The following ROBO2 variants were observed in gnomAD, a reference collection of about 807,000 sequenced individuals.
ROBO2 encodes roundabout homolog 2.
Under a neutral mutation model 160.8 loss-of-function variants are expected in ROBO2, and 53 were observed. That is an observed-to-expected ratio of 0.33 (90% confidence interval 0.26 to 0.41). The LOEUF (loss-of-function observed/expected upper bound fraction) is 0.41, where lower values mean the gene tolerates loss of function less well. Ranked by LOEUF, ROBO2 falls within the 10% of genes least tolerant of loss-of-function variation. The pLI is 1.00. For missense variants in ROBO2, 1,577 were observed against 1,722.4 expected, an observed-to-expected ratio of 0.92 and a Z score of 1.49; for synonymous variants, 664 against 611.7, an observed-to-expected ratio of 1.09 and a Z score of -1.26.
intron 2 of ROBO2, among the ~76,000 whole-genome samples, chr3:77,306,511 A>C (rs2153417670): frequency 6.6e-6 from 1 of 152,328 alleles, no homozygotes; most frequent in East Asian, 1.9e-4. Context: ...GTAAAATCTT[A>C]GCTTCTCTTA....
chr3:76,123,991 A>T (rs1374077768), intron 2 of ROBO2, among the ~76,000 whole-genome samples: 2 of 152,142 alleles, frequency 1.3e-5, no homozygotes, highest in African/African-American at 4.8e-5. Context: ...ACTTGTTAGC[A>T]AAACAACTTG....
chr3:77,459,143 CT>C (rs1215987296), intron 2 of ROBO2, among the ~76,000 whole-genome samples: 3 of 152,128 alleles, frequency 2.0e-5, no homozygotes, highest in African/African-American at 7.2e-5. Context: ...AAGCTACTGG[CT>C]TTTTTCTGAT....
At chr3:75,972,611 G>A (rs1197526833) in intron 2 of ROBO2, among the ~76,000 whole-genome samples, 1 of 151,542 alleles carries the variant, frequency 6.6e-6, no homozygotes. Flanking sequence ...AGAAATGCAG[G>A]GCATAATTTT....
chr3:77,325,789 C>T lies in ROBO2; in HGVS notation c.389-151625C>T, dbSNP rs545006178. Among the ~76,000 whole-genome samples the T allele has an allele frequency of 4.7e-5, 6 of 126,750 alleles. No individual in the cohort carries two copies. In the South Asian group the frequency reaches 1.5e-3, roughly 33 times the overall value. 83.2% of individuals were successfully genotyped at this position (126,750 alleles called of 152,430 possible). A position where few individuals can be genotyped will look rare whatever the true frequency, so the allele number is the denominator to read the frequency against. On this transcript the variant is annotated intron_variant, in intron 2 of 25. Transcript: ENST00000461745. ...CTGGTTGTACTCATTAAACTACATG[C>T]TCATCCAATTCTAACAGTTTCAGAG...
chr3:76,633,229 G>A (rs929950285), intron 2 of ROBO2, among the ~76,000 whole-genome samples: 2 of 151,904 alleles, frequency 1.3e-5, no homozygotes, highest in African/African-American at 4.8e-5. Flanking sequence ...AGGCTGTTTT[G>A]AGCTCTAAGA....
rs539717537 is a variant in ROBO2 at position 76,483,364 on chromosome 3, T to C, written c.109+545762T>C. 3.3e-5 allele frequency among the ~76,000 whole-genome samples: 5 copies of C among 152,172 alleles called. No individual in the cohort carries two copies. In the South Asian group the frequency reaches 1.0e-3, roughly 32 times the overall value. On this transcript the variant is annotated intron_variant, in intron 2 of 26. Transcript: ENST00000487694. ...TAAGTTCATGGGTTCCTGTGCAGGTTTGTTACCTTGGTATATTGTGTGATG... is the reference window on the plus strand; with the variant it reads ...TAAGTTCATGGGTTCCTGTGCAGGTCTGTTACCTTGGTATATTGTGTGATG...
intron 2 of ROBO2, among the ~76,000 whole-genome samples, chr3:75,978,652 T>C (rs1033518301): frequency 6.6e-6 from 1 of 151,602 alleles, no homozygotes; most frequent in African/African-American, 2.4e-5. Context: ...AGTTAATAAT[T>C]GATCTGAACT....
At chr3:76,932,894 C>T (rs2077442147) in intron 2 of ROBO2, among the ~76,000 whole-genome samples, 1 of 151,996 alleles carries the variant, frequency 6.6e-6, no homozygotes, top group South Asian at 2.1e-4. Flanking sequence ...AATGAAGCTG[C>T]CCCCGCCCCG....
chr3:77,261,768 ATTTT>A (rs10710219), intron 2 of ROBO2, among the ~76,000 whole-genome samples: 10 of 135,608 alleles, frequency 7.4e-5, no homozygotes, highest in Admixed American at 5.2e-4. Context: ...TTCTGATTTC[ATTTT>A]TTTTTTTTTT....
intron 2 of ROBO2, among the ~76,000 whole-genome samples, chr3:76,260,690 A>G (rs1162709109): frequency 6.6e-6 from 1 of 152,166 alleles, no homozygotes; most frequent in Non-Finnish European, 1.5e-5. Flanking sequence ...TATTTAATTC[A>G]TTAATTAATG....
intron 2 of ROBO2, among the ~76,000 whole-genome samples, chr3:76,545,626 T>C (rs1276690446): frequency 6.6e-6 from 1 of 151,974 alleles, no homozygotes; most frequent in Non-Finnish European, 1.5e-5. Flanking sequence ...TCGTGAAATA[T>C]GTTCCTACAA....
intron 2 of ROBO2, among the ~76,000 whole-genome samples, chr3:76,454,099 T>C (rs943353290): frequency 6.6e-5 from 10 of 152,158 alleles, no homozygotes; most frequent in African/African-American, 2.4e-4. Flanking sequence ...ATTCATCTAT[T>C]AATTATCTCA....
At chr3:76,270,946 T>G (rs1189567834) in intron 2 of ROBO2, among the ~76,000 whole-genome samples, 1 of 152,094 alleles carries the variant, frequency 6.6e-6, no homozygotes, top group African/African-American at 2.4e-5. Context: ...CTCTTCCTGC[T>G]TACACAGGTT....
intron 2 of ROBO2, among the ~76,000 whole-genome samples, chr3:76,631,637 A>C (rs958807462): frequency 4.0e-5 from 4 of 99,224 alleles, no homozygotes; most frequent in African/African-American, 1.6e-4. Flanking sequence ...CATATTTTAA[A>C]AAGAAAATGG....
intron 2 of ROBO2, among the ~76,000 whole-genome samples, chr3:76,563,640 A>G (rs760451893): frequency 6.6e-6 from 1 of 152,118 alleles, no homozygotes. Context: ...GAAGTTTGTA[A>G]TGTGCCTGCA....
chr3:76,792,134 AT>A (rs2063394417), intron 2 of ROBO2, among the ~76,000 whole-genome samples: 1 of 151,838 alleles, frequency 6.6e-6, no homozygotes, highest in Admixed American at 6.6e-5. Context: ...AACCAAAAAT[AT>A]TTTTTAAGTT....
At chr3:77,644,573 T>A in intron 24 of ROBO2, 131 bp from the exon 27 acceptor site, 1 of 837,754 alleles carries the variant, frequency 1.2e-6, no homozygotes, top group South Asian at 1.5e-5. Flanking sequence ...CTGATTAAAC[T>A]TCATAATTTT....
intron 2 of ROBO2, among the ~76,000 whole-genome samples, chr3:76,566,454 C>G (rs569679518): frequency 2.0e-4 from 31 of 152,212 alleles, no homozygotes; most frequent in African/African-American, 6.7e-4. Flanking sequence ...GTCTGGAATC[C>G]CTACTTTCTC....
chr3:76,896,416 T>C (rs974679425), intron 2 of ROBO2, among the ~76,000 whole-genome samples: 2 of 152,150 alleles, frequency 1.3e-5, no homozygotes, highest in African/African-American at 4.8e-5. Context: ...GTTGTGAGGA[T>C]GTATTGACTA....
Sources: allele counts gnomAD v4.1 joint callset (sites outside exome capture counted in the v4.1 genomes callset), GRCh38; gene constraint gnomAD v4.1.1; transcripts MANE v1.5; gene names NCBI Gene and HGNC (gene_info 2026-07-23, HGNC 2026-07-21).